Variants in WDPCP observed in about 807,000 individuals in gnomAD.
WDPCP encodes the protein WD repeat-containing and planar cell polarity effector protein fritz homolog.
In WDPCP, 71 loss-of-function variants were observed where a neutral mutation model predicts 93.1. The observed-to-expected ratio is 0.76, with a 90% CI of 0.63 to 0.93. The LOEUF (loss-of-function observed/expected upper bound fraction) is 0.93. WDPCP is among the 40% of genes least tolerant of loss of function. WDPCP has a pLI of 0.00. For missense variants in WDPCP, 844 were observed against 887.4 expected (o/e 0.95, Z 0.62); for synonymous variants, 315 against 315.0 (o/e 1.00, Z 0.00).
chr2:63,483,563 G>GTA (rs1427806631), intron 6 of WDPCP, among the ~76,000 whole-genome samples: 1 of 151,772 alleles, frequency 6.6e-6, no homozygotes, highest in Non-Finnish European at 1.5e-5. Context: ...AAAAATGATA[G>GTA]TATATATATT....
intron 13 of WDPCP, among the ~76,000 whole-genome samples, chr2:63,265,615 C>T (rs1256466245): frequency 2.0e-5 from 3 of 152,138 alleles, no homozygotes; most frequent in Admixed American, 1.3e-4. Context: ...CAATCCTTCT[C>T]AAGCCCTTCC....
rs185394626 is a variant in WDPCP, at chr2:63,306,287, T to C, written c.1812+6961A>G. Among the ~76,000 whole-genome samples, 176 of 152,282 alleles carry C rather than the reference T, an allele frequency of 1.2e-3. 1 individual carries two copies. In the Middle Eastern group the frequency reaches 0.031, roughly 26 times the overall value. On this transcript the variant is annotated intron_variant, in intron 13 of 17. Transcript: ENST00000272321. ...AAAAAAAGCCCAGGACCAGACAGAT[T>C]CACAGCCGAATTCTACCAGAGGTAC...
chr2:63,754,441 A>G lies in WDPCP; in HGVS notation n.308+59181T>C, dbSNP rs560029947. Among the ~76,000 whole-genome samples, 133 of 152,354 alleles carry G rather than the reference A, an allele frequency of 8.7e-4. 1 individual carries two copies. The highest frequency in any genetic ancestry group is 1.8e-3 in the Non-Finnish European group (122 of 68,030). Reference sequence around the variant, plus strand: ...AATGTAATGCCTTGTAGCCAATACAATATTTTTGATAGTGTTTGAAGAACT... The same window carrying G: ...AATGTAATGCCTTGTAGCCAATACAGTATTTTTGATAGTGTTTGAAGAACT... On this transcript the variant is annotated intron_variant and non_coding_transcript_variant, in intron 2 of 4. Transcript: ENST00000467687.
intron 2 of WDPCP, among the ~76,000 whole-genome samples, chr2:63,709,252 T>G (rs542565569): frequency 6.6e-6 from 1 of 151,224 alleles, no homozygotes; most frequent in African/African-American, 2.4e-5. Context: ...GAGGTGGAGG[T>G]TGCAGTGAGC....
chr2:63,661,467 T>C (rs1295131834), intron 2 of WDPCP, among the ~76,000 whole-genome samples: 1 of 152,218 alleles, frequency 6.6e-6, no homozygotes, highest in African/African-American at 2.4e-5. Context: ...GACAATGTTC[T>C]TATCACCTAG....
intron 3 of WDPCP, among the ~76,000 whole-genome samples, chr2:63,636,496 G>A (rs166384): frequency 6.6e-6 from 1 of 152,016 alleles, no homozygotes; most frequent in Non-Finnish European, 1.5e-5. Flanking sequence ...ATGTGAAATG[G>A]TGCAATCATG....
At chr2:63,590,636 T>C (rs1012707330), upstream of WDPCP, 6 of 152,236 alleles carry the variant, frequency 3.9e-5, no homozygotes, top group Non-Finnish European at 7.3e-5. Flanking sequence ...TCTTATAATG[T>C]AGTCTGGTGA....
At chr2:63,714,040 T>C (rs967875759) in intron 2 of WDPCP, among the ~76,000 whole-genome samples, 1 of 151,944 alleles carries the variant, frequency 6.6e-6, no homozygotes, top group Non-Finnish European at 1.5e-5. Flanking sequence ...CGAACAACTA[T>C]GTATCTTTTT....
chr2:63,652,214 G>C (rs1177241119), intron 2 of WDPCP, among the ~76,000 whole-genome samples: 1 of 152,148 alleles, frequency 6.6e-6, no homozygotes, highest in African/African-American at 2.4e-5. Flanking sequence ...TAAGCTCCCT[G>C]GCCACCCACA....
intron 1 of WDPCP, among the ~76,000 whole-genome samples, chr2:63,545,748 G>T (rs190464153): frequency 2.6e-5 from 4 of 151,762 alleles, no homozygotes; most frequent in African/African-American, 9.7e-5. Flanking sequence ...TTCTCTAGAG[G>T]CTGAAGGTAC....
intron 3 of WDPCP, among the ~76,000 whole-genome samples, chr2:63,626,184 A>C (rs1471375649): frequency 6.6e-6 from 1 of 152,256 alleles, no homozygotes; most frequent in East Asian, 1.9e-4. Flanking sequence ...TACAAAAATT[A>C]ACTCAAGATG....
intron 2 of WDPCP, among the ~76,000 whole-genome samples, chr2:63,731,889 G>A (rs1381155455): frequency 2.0e-5 from 3 of 152,168 alleles, no homozygotes; most frequent in Non-Finnish European, 4.4e-5. Context: ...AAGTATATTT[G>A]TTCTGTTTAG....
chr2:63,340,408 C>T (rs1056657785), intron 12 of WDPCP, among the ~76,000 whole-genome samples: 1 of 152,148 alleles, frequency 6.6e-6, no homozygotes, highest in African/African-American at 2.4e-5. Context: ...TGGCCAAGTT[C>T]CAGAGCAGAG....
rs533519755 is a variant in WDPCP, at chr2:63,480,127, C to G, written c.384+4477G>C. ...CTGAGAATAAAATCAAGAACTCAAC[C>G]CTTTTACAATAGCTGCAAAAGAAAA... On this transcript the variant is annotated intron_variant, in intron 6 of 17. Coordinates refer to ENST00000272321, the MANE Select transcript of WDPCP (RefSeq NM_015910.7). 1.1e-4 allele frequency among the ~76,000 whole-genome samples: 17 copies of G among 152,076 alleles called. No individual in the cohort carries two copies. In the East Asian group the frequency reaches 2.9e-3, roughly 26 times the overall value.
At chr2:63,705,932 A>G (rs1246698439) in intron 2 of WDPCP, among the ~76,000 whole-genome samples, 1 of 152,100 alleles carries the variant, frequency 6.6e-6, no homozygotes, top group African/African-American at 2.4e-5. Context: ...GTGGGAGTCT[A>G]AGTCTCTTTG....
At chr2:63,734,955 T>C (rs2103836165) in intron 2 of WDPCP, among the ~76,000 whole-genome samples, 1 of 152,202 alleles carries the variant, frequency 6.6e-6, no homozygotes, top group South Asian at 2.1e-4. Flanking sequence ...TTAAAAAATA[T>C]GCCCTGTGAG....
chr2:63,468,958 A>T (rs1699526688), intron 6 of WDPCP, among the ~76,000 whole-genome samples: 1 of 152,008 alleles, frequency 6.6e-6, no homozygotes, highest in Non-Finnish European at 1.5e-5. Flanking sequence ...AACCCTTTTT[A>T]TAAGCCCCTA....
At chr2:63,597,564 A>C (rs779304440) in intron 3 of WDPCP, 2 of 1,418,496 alleles carry the variant, frequency 1.4e-6, no homozygotes, top group South Asian at 3.3e-5. Flanking sequence ...TACGCCAAGA[A>C]GTCAGTTAAG....
intron 12 of WDPCP, among the ~76,000 whole-genome samples, chr2:63,366,078 G>A (rs935755281): frequency 3.9e-5 from 6 of 152,128 alleles, no homozygotes; most frequent in African/African-American, 1.2e-4. Context: ...TTAAAAGTAC[G>A]AGGAAATCTC....
Sources: gnomAD v4.1 joint callset for allele counts (sites outside exome capture counted in the v4.1 genomes callset) on GRCh38, gnomAD v4.1.1 for gene constraint, MANE v1.5 for transcripts, NCBI Gene and HGNC (gene_info 2026-07-23, HGNC 2026-07-21) for gene names.